The following TACC3 variants were observed in gnomAD, a reference collection of about 807,000 sequenced individuals.
The protein encoded by TACC3 is transforming acidic coiled-coil-containing protein 3.
A neutral mutation model predicts 86.0 loss-of-function variants in TACC3; 52 were observed. That is an observed-to-expected ratio of 0.60 (90% confidence interval 0.48 to 0.76). The LOEUF (loss-of-function observed/expected upper bound fraction) is 0.76. TACC3 is among the 30% of genes least tolerant of loss of function. The pLI is 0.00. For missense variants in TACC3, 1,120 were observed against 1,070.4 expected, an observed-to-expected ratio of 1.05 and a Z score of -0.65; for synonymous variants, 512 against 430.0, an observed-to-expected ratio of 1.19 and a Z score of -2.36.
At position 1,730,981 on chromosome 4, in the gene TACC3, G is replaced by A. The variant is rs551450105; in HGVS notation, c.1461+19G>A. ...GAGCAAGGTAAGGGGTGCTTGTGTGGGTACCTGTGCTCCTGGCCTGGTCGT... is the reference window on the plus strand; with the variant it reads ...GAGCAAGGTAAGGGGTGCTTGTGTGAGTACCTGTGCTCCTGGCCTGGTCGT... On this transcript the variant is annotated intron_variant, in intron 5 of 15. Transcript: ENST00000313288. 30 of 1,613,252 alleles carry A rather than the reference G, an allele frequency of 1.9e-5. No individual in the cohort carries two copies. The South Asian group carries it at 3.3e-4, about 18-fold the overall frequency.
At chr4:1,737,429 G>T in intron 9 of TACC3, 101 bp downstream of exon 9, 2 of 1,289,958 alleles carry the variant, frequency 1.6e-6, no homozygotes, top group Non-Finnish European at 2.2e-6. Context: ...TGAGCCTTTG[G>T]TTTTGTTGGG....
rs895658908 is a variant in TACC3, at chr4:1,737,225, C to T, written c.1749-16C>T. The T allele has an allele frequency of 5.0e-6, 8 of 1,612,382 alleles. No individual in the cohort carries two copies. In the African/African-American group the frequency reaches 8.0e-5, roughly 16 times the overall value. On this transcript the variant is annotated splice_polypyrimidine_tract_variant and intron_variant, in intron 8 of 15. Transcript: ENST00000313288. ...GGGAGGGCCTAGTGACTGAGGCTGC[C>T]TCTGCTTGGTGGCAGCATGCACGGT...
Position 1,727,690 on chromosome 4 carries a change from T to G in TACC3, c.306-18T>G, listed in dbSNP as rs1422694355. 1 of 1,556,770 alleles carries G rather than the reference T, an allele frequency of 6.4e-7. No homozygotes were observed. The highest frequency in any genetic ancestry group is 8.7e-7 in the Non-Finnish European group (1 of 1,151,452). Reference sequence around the variant, plus strand: ...CCAGGTACTCGCTGCTTCACGTTGATTAAGTCTCTTTTAAAAGCCAACAGC... The same window carrying G: ...CCAGGTACTCGCTGCTTCACGTTGAGTAAGTCTCTTTTAAAAGCCAACAGC... On this transcript the variant is annotated intron_variant, in intron 3 of 15. Coordinates refer to ENST00000313288, the MANE Select transcript of TACC3 (RefSeq NM_006342.3).
rs1285677760 is a variant in TACC3, at chr4:1,728,111, C to T, written c.709C>T (p.Arg237Trp). The change falls in exon 4 of 16, where the codon CGG becomes TGG. Residue 237 changes from arginine (R) to tryptophan (W), a missense_variant. Physicochemically the swap from Arg to Trp is moderately radical, Grantham distance 101. Transcript: ENST00000313288. ...ETPHGAEEEC[R>W]HGGVCAPAAV... ...TCCGCACGGAGCCGAGGAGGAATGC[C>T]GGCACGGTGGGGTCTGTGCTCCCGC... The T allele has an allele frequency of 5.6e-6, 9 of 1,612,298 alleles. No individual in the cohort carries two copies. In the South Asian group the frequency reaches 6.6e-5, roughly 12 times the overall value.
At position 1,723,480 on chromosome 4, in the gene TACC3, G is replaced by A; in HGVS notation, c.59G>A (p.Cys20Tyr). ...NVSNEKNTEN[C>Y]DFLFSPPEVT... ...AGCAATGAAAAAAATACAGAAAATT[G>A]CGACTTCCTGTTTTCGCCACCAGAA... The change falls in exon 2 of 16, where the codon TGC becomes TAC. Residue 20 changes from cysteine to tyrosine, a missense_variant. Cys to Tyr is a radical substitution (Grantham distance 194). Transcript: ENST00000313288. 1.9e-6 allele frequency: 3 copies of A among 1,613,680 alleles called. No individual in the cohort carries two copies. Among genetic ancestry groups the A allele is most frequent in the Non-Finnish European group, 1.7e-6 (2 of 1,179,982 alleles).
At chr4:1,743,097 A>T (rs150627462) in intron 13 of TACC3, among the ~76,000 whole-genome samples, 172 of 147,450 alleles carry the variant, frequency 1.2e-3, no homozygotes, top group African/African-American at 4.1e-3. Flanking sequence ...CCCTTTCTGT[A>T]CTAAAAATAC....
chr4:1,744,182 G>A (rs1297404388), intron 13 of TACC3, among the ~76,000 whole-genome samples: 2 of 152,230 alleles, frequency 1.3e-5, no homozygotes, highest in East Asian at 1.9e-4. Flanking sequence ...TCCAGAGGGA[G>A]ACGGGCTGGG....
At chr4:1,733,823 C>A (rs1268704431) in intron 6 of TACC3, among the ~76,000 whole-genome samples, 1 of 151,988 alleles carries the variant, frequency 6.6e-6, no homozygotes, top group Non-Finnish European at 1.5e-5. Flanking sequence ...ACTAAAAATA[C>A]AAAAATTAGC....
intron 6 of TACC3, 22 bp downstream of exon 6, chr4:1,731,323 T>C: frequency 6.2e-7 from 1 of 1,611,550 alleles, no homozygotes; most frequent in Non-Finnish European, 8.5e-7. Flanking sequence ...GGCACAGACG[T>C]CACACACAGT....
At chr4:1,734,615 ACT>A (rs1216898212) in intron 6 of TACC3, among the ~76,000 whole-genome samples, 1 of 152,086 alleles carries the variant, frequency 6.6e-6, no homozygotes, top group Non-Finnish European at 1.5e-5. Context: ...GATAGTTTTA[ACT>A]CTCACAGTTA....
rs952692857 is a variant in TACC3, at chr4:1,740,123, G to T, written c.2062+121G>T. On this transcript the variant is annotated intron_variant, in intron 12 of 15. Transcript: ENST00000313288. ...CCTGAGGCCCCTTTTCCTAACACAC[G>T]AGTCCCTTCAACATGGGCCCGGCCG... 5 of 977,170 alleles carry T rather than the reference G, an allele frequency of 5.1e-6. No individual in the cohort carries two copies. In the Admixed American group the frequency reaches 8.8e-5, roughly 17 times the overall value. The allele number at this position is 977,170 out of a possible 1,614,324, so 60.5% of individuals were successfully genotyped here. A position where few individuals can be genotyped will look rare whatever the true frequency, so the allele number is the denominator to read the frequency against.
In TACC3 at chr4:1,744,717, A is replaced by T; in HGVS notation, c.2336A>T (p.Asn779Ile). 1.2e-6 allele frequency: 2 copies of T among 1,612,532 alleles called. No homozygotes were observed. The highest frequency in any genetic ancestry group is 1.7e-6 in the Non-Finnish European group (2 of 1,179,914). The change falls in exon 15 of 16, where the codon AAC becomes ATC. Residue 779 changes from asparagine (N) to isoleucine (I), a missense_variant. Physicochemically the swap from Asn to Ile is moderately radical, Grantham distance 149. Coordinates refer to ENST00000313288, the MANE Select transcript of TACC3 (RefSeq NM_006342.3). ...CCCCGCCCCTACCCCTCCAGGGCAA[A>T]CGAGGAGATCGCCCAGGTCCGGAGC... Reference protein sequence around the residue: ...AHAEEKLQLANEEIAQVRSKA... With the variant: ...AHAEEKLQLAIEEIAQVRSKA...
chr4:1,740,734 C>T (rs534163980), intron 12 of TACC3, 92 bp from the exon 13 acceptor site: 3 of 1,198,376 alleles, frequency 2.5e-6, no homozygotes, highest in South Asian at 1.5e-5. Flanking sequence ...CCTCCTGGCG[C>T]TCGAGTCCCT....
At chr4:1,743,559 A>AAAAAAC (rs1718696015) in intron 13 of TACC3, among the ~76,000 whole-genome samples, 2 of 150,648 alleles carry the variant, frequency 1.3e-5, no homozygotes, top group Non-Finnish European at 1.5e-5. Flanking sequence ...TCTAAAAAAA[A>AAAAAAC]AAAACAGAAA....
chr4:1,721,146 G>A (rs1477051724), upstream of TACC3: 1 of 224,328 alleles, frequency 4.5e-6, no homozygotes, highest in African/African-American at 2.3e-5. Context: ...CAGTCCCCGT[G>A]CGGGTGCGGC....
At chr4:1,730,091 C>T (rs966746013) in intron 4 of TACC3, among the ~76,000 whole-genome samples, 7 of 152,178 alleles carry the variant, frequency 4.6e-5, no homozygotes, top group African/African-American at 1.2e-4. Flanking sequence ...CAGGCTGGAG[C>T]GCAGTGGCGT....
intron 12 of TACC3, chr4:1,740,322 T>C (rs1312277232): frequency 2.2e-5 from 11 of 493,006 alleles, no homozygotes; most frequent in Non-Finnish European, 4.0e-5. Flanking sequence ...GCCCTCGCCG[T>C]GCGGCTATGT....
intron 10 of TACC3, 71 bp from the exon 11 acceptor site, chr4:1,739,631 C>T (rs1256345392): frequency 7.0e-6 from 10 of 1,432,434 alleles, no homozygotes; most frequent in African/African-American, 1.4e-5. Context: ...GGGCTGGCCC[C>T]ATCCTGTGGG....
intron 3 of TACC3, among the ~76,000 whole-genome samples, chr4:1,725,324 C>T (rs1220898471): frequency 2.0e-5 from 3 of 152,200 alleles, no homozygotes; most frequent in Non-Finnish European, 2.9e-5. Flanking sequence ...GATAAAATGT[C>T]ACCAGTAAGT....
Sources: gnomAD v4.1 joint callset for allele counts (sites outside exome capture counted in the v4.1 genomes callset) on GRCh38, gnomAD v4.1.1 for gene constraint, MANE v1.5 for transcripts, NCBI Gene and HGNC (gene_info 2026-07-23, HGNC 2026-07-21) for gene names.